Variants in TFEC observed in about 807,000 individuals in gnomAD.
The protein encoded by TFEC is transcription factor EC, also known as class E basic helix-loop-helix protein 34.
Under a neutral mutation model 41.6 loss-of-function variants are expected in TFEC, and 31 were observed. The ratio of observed to expected loss-of-function variants is 0.74; its 90% CI spans 0.56 to 1.01. The LOEUF (loss-of-function observed/expected upper bound fraction) is 1.01, where lower values mean the gene tolerates loss of function less well. Among genes scored for constraint, TFEC ranks in the 50% least tolerant of loss-of-function variants. TFEC has a pLI of 0.00. For synonymous variants in TFEC, 143 were observed against 140.6 expected (o/e 1.02, Z -0.12); for missense variants, 402 against 404.1 (o/e 0.99, Z 0.04).
intron 6 of TFEC, among the ~76,000 whole-genome samples, chr7:115,946,373 G>A (rs1584555164): frequency 6.8e-6 from 1 of 148,094 alleles, no homozygotes. Flanking sequence ...GAGAAAAAGT[G>A]CTTTAAAATC....
intron 3 of TFEC, among the ~76,000 whole-genome samples, chr7:116,095,500 T>C (rs1191606744): frequency 6.6e-6 from 1 of 152,158 alleles, no homozygotes; most frequent in African/African-American, 2.4e-5. Flanking sequence ...ATATCCAATA[T>C]ATGTGACTAA....
intron 1 of TFEC, among the ~76,000 whole-genome samples, chr7:116,127,347 T>C (rs1798233964): frequency 6.6e-6 from 1 of 152,170 alleles, no homozygotes; most frequent in African/African-American, 2.4e-5. Flanking sequence ...CCTCCCAAAG[T>C]GCTGGGATTA....
chr7:115,969,467 T>G (rs758811787), intron 3 of TFEC, among the ~76,000 whole-genome samples: 7 of 151,942 alleles, frequency 4.6e-5, no homozygotes, highest in Middle Eastern at 3.4e-3. Context: ...GAGGTAACCA[T>G]GCAAAGATCT....
intron 1 of TFEC, among the ~76,000 whole-genome samples, chr7:116,021,756 C>A (rs1172004658): frequency 2.6e-5 from 4 of 152,168 alleles, no homozygotes; most frequent in African/African-American, 9.7e-5. Context: ...GTTTTCTTAA[C>A]TGGTAATTAC....
At chr7:115,996,398 G>C (rs1028576670) in intron 1 of TFEC, among the ~76,000 whole-genome samples, 7 of 152,026 alleles carry the variant, frequency 4.6e-5, no homozygotes, top group African/African-American at 1.7e-4. Context: ...ATGCTAATTA[G>C]ACCCTGGGCC....
At chr7:116,109,837 A>G (rs893099654) in intron 3 of TFEC, among the ~76,000 whole-genome samples, 5 of 152,218 alleles carry the variant, frequency 3.3e-5, no homozygotes, top group African/African-American at 1.2e-4. Flanking sequence ...AATGTCCATC[A>G]ATGATAGATC....
At position 115,939,296 on chromosome 7, in the gene TFEC, A is replaced by G. The variant is rs1286792507; in HGVS notation, c.*1255T>C. On this transcript the variant is annotated 3_prime_UTR_variant, in exon 8 of 8. Transcript: ENST00000265440. ...GGATGATCACTCTTGGAGGTCCAGC[A>G]CAGAGCAACGTGCTTGGTAACTTAA... 3.3e-5 allele frequency: 5 copies of G among 151,952 alleles called. No individual in the cohort carries two copies. Among genetic ancestry groups the G allele is most frequent in the African/African-American group, 1.2e-4 (5 of 41,400 alleles). The allele number at this position is 151,952 out of a possible 1,614,324, so 9.4% of individuals were successfully genotyped here.
intron 3 of TFEC, among the ~76,000 whole-genome samples, chr7:116,055,342 T>C (rs976104266): frequency 1.3e-5 from 2 of 152,102 alleles, no homozygotes; most frequent in Non-Finnish European, 2.9e-5. Context: ...ATGGCTTCTT[T>C]CCTTTTCAAA....
chr7:115,939,164 A>C lies in TFEC; in HGVS notation c.*1387T>G, dbSNP rs1268437716. The C allele has an allele frequency of 1.3e-5, 2 of 151,782 alleles. No homozygotes were observed. Among genetic ancestry groups the C allele is most frequent in the East Asian group, 1.9e-4 (1 of 5,158 alleles). 9.4% of individuals were successfully genotyped at this position (151,782 alleles called of 1,614,324 possible). A position where few individuals can be genotyped will look rare whatever the true frequency, so the allele number is the denominator to read the frequency against. ...TATCTTTTGTTTTTGTTTTTCATGC[A>C]TTCTCATTAACTACCTTAGGAGTAA... On this transcript the variant is annotated 3_prime_UTR_variant, in exon 8 of 8. Coordinates refer to ENST00000265440, the MANE Select transcript of TFEC (RefSeq NM_012252.4).
chr7:116,158,208 T>C (rs1798907086), intron 1 of TFEC, among the ~76,000 whole-genome samples: 1 of 152,144 alleles, frequency 6.6e-6, no homozygotes, highest in South Asian at 2.1e-4. Flanking sequence ...ATTTGTCACC[T>C]AAATTTTTTC....
intron 1 of TFEC, among the ~76,000 whole-genome samples, chr7:116,120,939 C>T (rs1485023839): frequency 6.6e-6 from 1 of 151,868 alleles, no homozygotes; most frequent in Non-Finnish European, 1.5e-5. Context: ...AAAAACCCTA[C>T]CTAATAACTT....
In TFEC at chr7:115,938,050, T is replaced by C. The variant is rs17241507; in HGVS notation, c.*2501A>G. 21,386 of 151,866 alleles carry C rather than the reference T, an allele frequency of 0.14. 2,040 individuals are homozygous for C. The highest frequency in any genetic ancestry group is 0.21 in the Non-Finnish European group (14,360 of 67,782). The allele number at this position is 151,866 out of a possible 1,614,324, so 9.4% of individuals were successfully genotyped here. A position where few individuals can be genotyped will look rare whatever the true frequency, so the allele number is the denominator to read the frequency against. On this transcript the variant is annotated 3_prime_UTR_variant, in exon 8 of 8. Transcript: ENST00000265440. The stretch of plus-strand genomic sequence containing the variant: ...TTTACAGTTCCCTGACATCTCATAA[T>C]CTGAATGTAGCAGCAAATAGCAGTT...
chr7:116,039,396 A>AT (rs1795980991), intron 3 of TFEC, among the ~76,000 whole-genome samples: 1 of 151,294 alleles, frequency 6.6e-6, no homozygotes. Context: ...TGATTTGGGG[A>AT]TAAAAACTAA....
intron 3 of TFEC, among the ~76,000 whole-genome samples, chr7:116,106,261 C>T (rs759047313): frequency 6.6e-6 from 1 of 152,202 alleles, no homozygotes; most frequent in African/African-American, 2.4e-5. Flanking sequence ...AGAAGTTTCA[C>T]AGCATTTAAA....
At chr7:116,137,424 C>T (rs143056707) in intron 1 of TFEC, among the ~76,000 whole-genome samples, 2 of 152,182 alleles carry the variant, frequency 1.3e-5, no homozygotes, top group Non-Finnish European at 1.5e-5. Context: ...TGTTGCTTTT[C>T]GGCATTGTTT....
chr7:115,961,402 CA>C (rs370379687), intron 3 of TFEC, among the ~76,000 whole-genome samples: 147 of 151,094 alleles, frequency 9.7e-4, no homozygotes, highest in African/African-American at 3.1e-3. Context: ...TAGAATATGG[CA>C]AAACAATGCT....
intron 3 of TFEC, among the ~76,000 whole-genome samples, chr7:116,040,773 G>T (rs1231614601): frequency 4.6e-5 from 7 of 152,102 alleles, no homozygotes; most frequent in African/African-American, 1.2e-4. Context: ...TGCCATTTGG[G>T]TCTCATCTGA....
At position 116,054,095 on chromosome 7, in the gene TFEC, G is replaced by A. The variant is rs1361510578; in HGVS notation, c.198+56613C>T. Among the ~76,000 whole-genome samples the A allele has an allele frequency of 3.9e-5, 6 of 152,194 alleles. No individual in the cohort carries two copies. The South Asian group carries it at 1.2e-3, about 31-fold the overall frequency. On this transcript the variant is annotated intron_variant, in intron 3 of 8. Transcript: ENST00000484212. ...TTTACAAGCCAGGTAGTCTGGCTTT[G>A]TATACTAATAATTCTATACCATCAG...
Position 115,956,582 on chromosome 7 carries a change from G to C in TFEC, c.382+97C>G, listed in dbSNP as rs1439481835. The C allele has an allele frequency of 6.2e-6, 4 of 642,830 alleles. No individual in the cohort carries two copies. In the South Asian group the frequency reaches 2.0e-4, roughly 32 times the overall value. 39.8% of individuals were successfully genotyped at this position (642,830 alleles called of 1,614,324 possible). A position where few individuals can be genotyped will look rare whatever the true frequency, so the allele number is the denominator to read the frequency against. ...CTGCCTTCTTTTTTGTAACTGTTTT[G>C]TTATACTTTTAAAATCCTAGTTAGC... On this transcript the variant is annotated intron_variant, in intron 4 of 7. Coordinates refer to ENST00000265440, the MANE Select transcript of TFEC (RefSeq NM_012252.4).
Sources: gnomAD v4.1 joint callset for allele counts (sites outside exome capture counted in the v4.1 genomes callset) on GRCh38, gnomAD v4.1.1 for gene constraint, MANE v1.5 for transcripts, NCBI Gene and HGNC (gene_info 2026-07-23, HGNC 2026-07-21) for gene names.